Variants in ELAPOR2 observed in about 807,000 individuals in gnomAD.
ELAPOR2 encodes the protein endosome/lysosome-associated apoptosis and autophagy regulator family member 2.
ELAPOR2 carries 89 observed loss-of-function variants against 120.7 expected under a neutral mutation model. The observed-to-expected ratio is 0.74, with a 90% CI of 0.62 to 0.88. ELAPOR2 has a LOEUF of 0.88. Ranked by LOEUF, ELAPOR2 falls within the 40% of genes least tolerant of loss-of-function variation. The probability of loss-of-function intolerance (pLI) is 0.00; values close to 1 mark genes in which losing one functional copy is unlikely to be tolerated. For missense variants in ELAPOR2, 1,134 were observed against 1,251.6 expected (o/e 0.91, Z 1.42); for synonymous variants, 444 against 444.9 (o/e 1.00, Z 0.03).
At chr7:87,013,704 T>A (rs1028196332) in intron 1 of ELAPOR2, among the ~76,000 whole-genome samples, 5 of 152,208 alleles carry the variant, frequency 3.3e-5, no homozygotes, top group Admixed American at 3.3e-4. Flanking sequence ...AATGATTAGC[T>A]TACATCATCA....
intron 1 of ELAPOR2, among the ~76,000 whole-genome samples, chr7:87,006,630 A>C (rs1478569374): frequency 6.6e-6 from 1 of 152,202 alleles, no homozygotes; most frequent in African/African-American, 2.4e-5. Flanking sequence ...ACAACTTGGA[A>C]CAAGTGTTTG....
At position 86,913,062 on chromosome 7, in the gene ELAPOR2, T is replaced by A. The variant is rs1789391798; in HGVS notation, c.1874A>T (p.His625Leu). ...CTGGTTGGTTTCTTTCTCAATGTAG[T>A]GGCCTGGAGGGCAGGGGACACACGA... ...GSSCVPCPPGHYIEKETNQCK... is the reference protein window; with the variant it reads ...GSSCVPCPPGLYIEKETNQCK... The change falls in exon 14 of 22, where the codon CAC (histidine) becomes CTC (leucine). Residue 625 changes from histidine to leucine, a missense_variant. His to Leu is a moderately conservative substitution (Grantham distance 99, BLOSUM62 -3). Coordinates refer to ENST00000450689, the MANE Select transcript of ELAPOR2 (RefSeq NM_001142749.3). 6.2e-7 allele frequency: 1 copy of A among 1,613,964 alleles called. No individual in the cohort carries two copies. Among genetic ancestry groups the A allele is most frequent in the African/African-American group, 1.3e-5 (1 of 74,926 alleles).
chr7:86,905,069 GAGAA>G (rs1381113310), intron 18 of ELAPOR2, among the ~76,000 whole-genome samples: 1 of 94,674 alleles, frequency 1.1e-5, no homozygotes, highest in Non-Finnish European at 2.1e-5. Context: ...GACAGAGAGA[GAGAA>G]GGAAGGAAGG....
chr7:86,962,257 A>G (rs1441469679), intron 2 of ELAPOR2, among the ~76,000 whole-genome samples: 1 of 152,054 alleles, frequency 6.6e-6, no homozygotes, highest in East Asian at 1.9e-4. Context: ...GGCCTCCCCC[A>G]CTGCTTCTTT....
chr7:86,993,141 C>T (rs1187765146), intron 1 of ELAPOR2, among the ~76,000 whole-genome samples: 1 of 145,634 alleles, frequency 6.9e-6, no homozygotes, highest in Admixed American at 7.0e-5. Context: ...GAGGCTGAGG[C>T]GGGAGAGTTG....
chr7:86,928,455 T>C (rs997725718), intron 8 of ELAPOR2, among the ~76,000 whole-genome samples: 4 of 152,002 alleles, frequency 2.6e-5, no homozygotes, highest in Non-Finnish European at 2.9e-5. Flanking sequence ...GATTGCGTTA[T>C]GTGTGAGCTA....
chr7:86,885,620 G>A (rs1408900616), intron 21 of ELAPOR2, among the ~76,000 whole-genome samples: 2 of 152,100 alleles, frequency 1.3e-5, no homozygotes, highest in Admixed American at 6.6e-5. Context: ...AATCTGCTAG[G>A]AAAACCTGGA....
At chr7:86,942,289 G>C (rs1007061340) in intron 4 of ELAPOR2, among the ~76,000 whole-genome samples, 185 bp from the exon 5 acceptor site, 8 of 151,938 alleles carry the variant, frequency 5.3e-5, no homozygotes, top group Admixed American at 3.9e-4. Flanking sequence ...AGACTGAGAG[G>C]TTCTAAGTAA....
At chr7:86,913,326 T>A (rs1035099924) in intron 13 of ELAPOR2, 122 bp from the exon 14 acceptor site, 2 of 921,964 alleles carry the variant, frequency 2.2e-6, no homozygotes, top group Non-Finnish European at 3.2e-6. Context: ...TAGTTTGTAA[T>A]TGACAATAGA....
intron 1 of ELAPOR2, among the ~76,000 whole-genome samples, chr7:87,016,765 A>G (rs1793881721): frequency 6.6e-6 from 1 of 151,696 alleles, no homozygotes; most frequent in African/African-American, 2.4e-5. Flanking sequence ...TGGGTTCTGA[A>G]TGTCCATGGA....
At chr7:86,937,765 T>C (rs1392406789) in intron 8 of ELAPOR2, among the ~76,000 whole-genome samples, 1 of 152,114 alleles carries the variant, frequency 6.6e-6, no homozygotes, top group Non-Finnish European at 1.5e-5. Context: ...GGAAAAAATG[T>C]AACTGTTAAA....
At chr7:86,911,301 A>C (rs371238013) in intron 15 of ELAPOR2, among the ~76,000 whole-genome samples, 1 of 152,054 alleles carries the variant, frequency 6.6e-6, no homozygotes, top group African/African-American at 2.4e-5. Context: ...TACTATGTAA[A>C]ATTTTATGGA....
intron 1 of ELAPOR2, among the ~76,000 whole-genome samples, chr7:86,982,574 C>G (rs1364966472): frequency 1.3e-5 from 2 of 152,222 alleles, no homozygotes; most frequent in East Asian, 3.8e-4. Flanking sequence ...CAAACTCCAA[C>G]AGACCTGCAG....
rs540151480 is a variant in ELAPOR2 at position 86,930,647 on chromosome 7, G to A, written c.1090-3731C>T. Among the ~76,000 whole-genome samples, 8 of 152,072 alleles carry A rather than the reference G, an allele frequency of 5.3e-5. No homozygotes were observed. The East Asian group carries it at 1.4e-3, about 26-fold the overall frequency. On this transcript the variant is annotated intron_variant, in intron 8 of 21. Coordinates refer to ENST00000450689, the MANE Select transcript of ELAPOR2 (RefSeq NM_001142749.3). ...CGCAGTTCACCTCTTCAGAGATGAA[G>A]AAGTTGTATAGCCTAATGCCTCCTT...
At chr7:86,905,130 A>AAGGAAGGAAGGAAGGAAG (rs1355938615) in intron 18 of ELAPOR2, among the ~76,000 whole-genome samples, 10 of 92,982 alleles carry the variant, frequency 1.1e-4, no homozygotes, top group Non-Finnish European at 1.2e-4. Context: ...AAGGAAGGAA[A>AAGGAAGGAAGGAAGGAAG]GAAAGAAAAG....
At position 86,964,993 on chromosome 7, in the gene ELAPOR2, T is replaced by C. The variant is rs757950551; in HGVS notation, c.221A>G (p.Asp74Gly). The C allele has an allele frequency of 1.3e-6, 2 of 1,551,616 alleles. No homozygotes were observed. The highest frequency in any genetic ancestry group is 1.7e-6 in the Non-Finnish European group (2 of 1,146,892). ...AACTCTCCACCTGGAGCCACTGCTA[T>C]CACATTCCGTATATTCAAAGTGATA... ...KDYHFEYTEC[D>G]SSGSRWRVAI... The change falls in exon 2 of 22, where the codon GAT (aspartate) becomes GGT (glycine). Residue 74 changes from aspartate to glycine, a missense_variant. By Grantham distance (94) the Asp-to-Gly change is moderately conservative (BLOSUM62 -1). Transcript: ENST00000450689.
chr7:87,032,413 C>CA (rs984599998), intron 1 of ELAPOR2, among the ~76,000 whole-genome samples: 8 of 152,194 alleles, frequency 5.3e-5, no homozygotes, highest in African/African-American at 1.7e-4. Context: ...AGAACAAAAA[C>CA]AAAAAGATGT....
chr7:86,999,323 T>C (rs1336151888), intron 1 of ELAPOR2, among the ~76,000 whole-genome samples: 1 of 152,152 alleles, frequency 6.6e-6, no homozygotes, highest in Non-Finnish European at 1.5e-5. Context: ...ATTATGTATT[T>C]TGCTTTGCTG....
At chr7:86,902,169 G>GTTGT (rs61443089) in intron 18 of ELAPOR2, among the ~76,000 whole-genome samples, 14,352 of 151,592 alleles carry the variant, frequency 0.095, 776 homozygotes, top group African/African-American at 0.13. Context: ...GTCTTTTTTT[G>GTTGT]TTGTTTGTTT....
Sources: allele counts gnomAD v4.1 joint callset (sites outside exome capture counted in the v4.1 genomes callset), GRCh38; gene constraint gnomAD v4.1.1; transcripts MANE v1.5; gene names NCBI Gene and HGNC (gene_info 2026-07-23, HGNC 2026-07-21).